Variants in SLC25A31 observed in about 807,000 individuals in gnomAD.
The protein encoded by SLC25A31 is solute carrier family 25 member 31.
Under a neutral mutation model 36.2 loss-of-function variants are expected in SLC25A31, and 40 were observed. That is an observed-to-expected ratio of 1.10 (90% CI 0.86 to 1.44). The LOEUF is 1.44. Ranked by LOEUF, SLC25A31 falls within the 40% of genes most tolerant of loss-of-function variation. SLC25A31 has a pLI of 0.00. For missense variants in SLC25A31, 350 were observed against 397.1 expected (o/e 0.88, Z 1.01); for synonymous variants, 143 against 149.7 (o/e 0.96, Z 0.32).
At chr4:127,731,991 A>G (rs1195294762) in intron 1 of SLC25A31, among the ~76,000 whole-genome samples, 2 of 152,104 alleles carry the variant, frequency 1.3e-5, no homozygotes, top group East Asian at 1.9e-4. Context: ...GATTTTTTCT[A>G]TTAATATTGG....
intron 5 of SLC25A31, among the ~76,000 whole-genome samples, chr4:127,769,442 G>A (rs748195606): frequency 6.6e-6 from 1 of 152,122 alleles, no homozygotes; most frequent in Non-Finnish European, 1.5e-5. Flanking sequence ...TGATGCTCAA[G>A]GGAAATGCCC....
At chr4:127,730,811 C>G in intron 1 of SLC25A31, 34 bp downstream of exon 1, 1 of 1,570,652 alleles carries the variant, frequency 6.4e-7, no homozygotes, top group South Asian at 1.1e-5. Flanking sequence ...ACAGCCTCTC[C>G]CGGCGCCCTC....
intron 1 of SLC25A31, among the ~76,000 whole-genome samples, chr4:127,731,250 A>G (rs895350188): frequency 5.3e-5 from 8 of 152,176 alleles, no homozygotes; most frequent in African/African-American, 1.7e-4. Flanking sequence ...GTCTAAGAGA[A>G]GTACAAATAT....
At chr4:127,759,531 C>G (rs905975259) in intron 2 of SLC25A31, among the ~76,000 whole-genome samples, 3 of 152,202 alleles carry the variant, frequency 2.0e-5, no homozygotes, top group African/African-American at 7.2e-5. Flanking sequence ...AGTGGACATT[C>G]TTGTCTAGGA....
chr4:127,747,714 G>A (rs542470085), intron 2 of SLC25A31, among the ~76,000 whole-genome samples: 1 of 152,098 alleles, frequency 6.6e-6, no homozygotes, highest in Non-Finnish European at 1.5e-5. Flanking sequence ...TCAGTAAAAT[G>A]TTTCTGGCCT....
chr4:127,744,711 T>C lies in SLC25A31; in HGVS notation c.272T>C (p.Ile91Thr). Residue 91 changes from isoleucine (I) to threonine (T), a missense_variant, in exon 2 of 6, where the codon ATT becomes ACT. By Grantham distance (89) the Ile-to-Thr change is moderately conservative. Transcript: ENST00000281154. ...TGGCGTGGCAATTTGGCAAATGTTA[T>C]TCGGTATTTTCCAACACAAGCTCTA... ...SFWRGNLANV[I>T]RYFPTQALNF... The C allele has an allele frequency of 1.9e-6, 3 of 1,605,898 alleles. No individual in the cohort carries two copies. The highest frequency in any genetic ancestry group is 1.1e-5 in the South Asian group (1 of 89,134).
At chr4:127,757,328 C>T (rs542854801) in intron 2 of SLC25A31, among the ~76,000 whole-genome samples, 1 of 152,128 alleles carries the variant, frequency 6.6e-6, no homozygotes. Flanking sequence ...ATTGTTTCCA[C>T]CTTTATGTCC....
At chr4:127,752,001 G>C (rs1427570063) in intron 2 of SLC25A31, among the ~76,000 whole-genome samples, 1 of 152,214 alleles carries the variant, frequency 6.6e-6, no homozygotes, top group African/African-American at 2.4e-5. Context: ...CATTGTGGAA[G>C]ACAGTGTGGC....
intron 2 of SLC25A31, among the ~76,000 whole-genome samples, chr4:127,761,841 G>A (rs1450170447): frequency 4.6e-5 from 7 of 152,160 alleles, no homozygotes; most frequent in Admixed American, 2.6e-4. Flanking sequence ...TTGATAACTA[G>A]TATTGAATAT....
chr4:127,765,856 AT>A (rs1732231001), intron 3 of SLC25A31, among the ~76,000 whole-genome samples: 1 of 152,168 alleles, frequency 6.6e-6, no homozygotes, highest in African/African-American at 2.4e-5. Context: ...TTGAAAGTTT[AT>A]TTTTATTAAT....
At chr4:127,748,003 G>A (rs567859778) in intron 2 of SLC25A31, among the ~76,000 whole-genome samples, 2 of 152,240 alleles carry the variant, frequency 1.3e-5, no homozygotes, top group African/African-American at 4.8e-5. Flanking sequence ...AAGAACATAC[G>A]ACAACACGTG....
chr4:127,745,307 CTT>C (rs11314285), intron 2 of SLC25A31, among the ~76,000 whole-genome samples: 4,587 of 148,810 alleles, frequency 0.031, 294 homozygotes, highest in East Asian at 0.26. Context: ...TGCAAGGATA[CTT>C]TTTTTTTTTT....
chr4:127,733,018 C>G (rs569825494), intron 1 of SLC25A31, among the ~76,000 whole-genome samples: 6 of 152,296 alleles, frequency 3.9e-5, no homozygotes, highest in Middle Eastern at 3.4e-3. Context: ...ATCTCCCCTT[C>G]GATTTTCGTG....
At chr4:127,739,931 T>G (rs1358020367) in intron 1 of SLC25A31, among the ~76,000 whole-genome samples, 2 of 152,096 alleles carry the variant, frequency 1.3e-5, no homozygotes, top group African/African-American at 4.8e-5. Flanking sequence ...AAGATCTCAT[T>G]GATTTCTTTT....
At chr4:127,759,668 A>T (rs2148761744) in intron 2 of SLC25A31, among the ~76,000 whole-genome samples, 1 of 152,216 alleles carries the variant, frequency 6.6e-6, no homozygotes, top group South Asian at 2.1e-4. Context: ...CTGAGAGGGG[A>T]GATGGGGAGT....
In SLC25A31 at chr4:127,731,804, GA is replaced by G. The variant is rs60887431; in HGVS notation, c.232+1039del. ...ATTAAACCTCCACTCCTAAAAACAGGAAAAAAAAAAAACTTTAAACTATTTT... is the reference window on the plus strand; with the variant it reads ...ATTAAACCTCCACTCCTAAAAACAGGAAAAAAAAAAACTTTAAACTATTTT... On this transcript the variant is annotated intron_variant, in intron 1 of 5. Transcript: ENST00000281154. Among the ~76,000 whole-genome samples, 336 of 137,486 alleles carry G rather than the reference GA, an allele frequency of 2.4e-3. 3 individuals carry two copies. The highest frequency in any genetic ancestry group is 7.5e-3 in the African/African-American group (281 of 37,514). 90.2% of individuals were successfully genotyped at this position (137,486 alleles called of 152,430 possible). A position where few individuals can be genotyped will look rare whatever the true frequency, so the allele number is the denominator to read the frequency against.
chr4:127,758,258 T>A (rs1585312), intron 2 of SLC25A31, among the ~76,000 whole-genome samples: 1 of 151,974 alleles, frequency 6.6e-6, no homozygotes, highest in Non-Finnish European at 1.5e-5. Flanking sequence ...TTTTTTCATA[T>A]GTTTGTTGGC....
chr4:127,747,561 A>G (rs1731847534), intron 2 of SLC25A31, among the ~76,000 whole-genome samples: 1 of 152,218 alleles, frequency 6.6e-6, no homozygotes, highest in Admixed American at 6.5e-5. Context: ...ATGAGGTTTT[A>G]AAAGTCAGTT....
chr4:127,737,153 CAA>C (rs992025619), intron 1 of SLC25A31, among the ~76,000 whole-genome samples: 3 of 152,190 alleles, frequency 2.0e-5, no homozygotes, highest in Admixed American at 1.3e-4. Context: ...GAGGTTAAAA[CAA>C]GAGTTCTTAA....
Sources: gnomAD v4.1 joint callset for allele counts (sites outside exome capture counted in the v4.1 genomes callset) on GRCh38, gnomAD v4.1.1 for gene constraint, MANE v1.5 for transcripts, NCBI Gene and HGNC (gene_info 2026-07-23, HGNC 2026-07-21) for gene names.